The following CDR2 variants were observed in gnomAD, a reference collection of about 807,000 sequenced individuals.
CDR2 encodes the protein cerebellar degeneration related protein 2, also known as cerebellar degeneration-related protein 2.
Under a neutral mutation model 48.4 loss-of-function variants are expected in CDR2, and 34 were observed. That is an observed-to-expected ratio of 0.70 (90% CI 0.53 to 0.94). The LOEUF is 0.94. Among genes scored for constraint, CDR2 ranks in the 40% least tolerant of loss-of-function variants. CDR2 has a pLI of 0.00. For synonymous variants in CDR2, 240 were observed against 219.7 expected (o/e 1.09, Z -0.82); for missense variants, 498 against 549.5 (o/e 0.91, Z 0.94).
intron 2 of CDR2, among the ~76,000 whole-genome samples, chr16:22,353,907 T>C (rs181997643): frequency 2.0e-5 from 3 of 152,296 alleles, no homozygotes; most frequent in Admixed American, 1.3e-4. Context: ...CTCATGAAGG[T>C]TGAGGAAAAA....
chr16:22,373,547 T>C (rs2049093148), intron 1 of CDR2, among the ~76,000 whole-genome samples: 1 of 152,218 alleles, frequency 6.6e-6, no homozygotes, highest in African/African-American at 2.4e-5. Flanking sequence ...ATCTCCGCTT[T>C]CCTCATATGG....
intron 2 of CDR2, among the ~76,000 whole-genome samples, chr16:22,361,752 G>A (rs955440398): frequency 1.3e-5 from 2 of 152,106 alleles, no homozygotes. Context: ...AAACAGCTTT[G>A]GATAAAGAGT....
chr16:22,346,706 T>C lies in CDR2; in HGVS notation c.*259A>G. 1 of 478,844 alleles carries C rather than the reference T, an allele frequency of 2.1e-6. No homozygotes were observed. The highest frequency in any genetic ancestry group is 3.8e-6 in the Non-Finnish European group (1 of 266,086). The allele number at this position is 478,844 out of a possible 1,614,324, so 29.7% of individuals were successfully genotyped here. ...TAGCTCTTCCCTCCACTGGTCCTTT[T>C]CAGGAACTGAAGTCTAATCAGCGCG... On this transcript the variant is annotated 3_prime_UTR_variant, in exon 5 of 5. Transcript: ENST00000268383.
intron 2 of CDR2, among the ~76,000 whole-genome samples, chr16:22,357,093 T>C (rs2048979773): frequency 6.6e-6 from 1 of 152,186 alleles, no homozygotes; most frequent in Admixed American, 6.5e-5. Flanking sequence ...TCTCACTCTG[T>C]TGCCCAGGCT....
Position 22,354,195 on chromosome 16 carries a change from T to A in CDR2, c.193-4346A>T, listed in dbSNP as rs527482794. Among the ~76,000 whole-genome samples the A allele has an allele frequency of 1.8e-4, 27 of 152,282 alleles. 1 individual carries two copies. Among genetic ancestry groups the A allele is most frequent in the African/African-American group, 6.3e-4 (26 of 41,556 alleles). ...TTTTAGCAACAAACCCAGGTGATATTAGTACAGGCAGTCCAGAGATCACAC... is the reference window on the plus strand; with the variant it reads ...TTTTAGCAACAAACCCAGGTGATATAAGTACAGGCAGTCCAGAGATCACAC... On this transcript the variant is annotated intron_variant, in intron 2 of 4. Coordinates refer to ENST00000268383, the MANE Select transcript of CDR2 (RefSeq NM_001802.2).
At chr16:22,362,005 C>CA (rs2049013743) in intron 2 of CDR2, among the ~76,000 whole-genome samples, 1 of 150,198 alleles carries the variant, frequency 6.7e-6, no homozygotes, top group South Asian at 2.1e-4. Flanking sequence ...GGGTTCACGC[C>CA]AATCTCCTGC....
At chr16:22,357,879 T>G (rs2048985652) in intron 2 of CDR2, among the ~76,000 whole-genome samples, 1 of 152,224 alleles carries the variant, frequency 6.6e-6, no homozygotes, top group Non-Finnish European at 1.5e-5. Flanking sequence ...TTTAAGAACT[T>G]GTGATATTTT....
intron 1 of CDR2, among the ~76,000 whole-genome samples, chr16:22,368,664 G>C (rs2049057686): frequency 6.6e-6 from 1 of 152,164 alleles, no homozygotes; most frequent in African/African-American, 2.4e-5. Context: ...AGGTCAACAG[G>C]TTCTCACTCT....
chr16:22,369,294 AAAAAAAAG>A (rs942759383), intron 1 of CDR2, among the ~76,000 whole-genome samples: 3 of 145,740 alleles, frequency 2.1e-5, no homozygotes, highest in African/African-American at 8.4e-5. Flanking sequence ...CAGGAAAAAA[AAAAAAAAG>A]AAAAAAAACA....
intron 2 of CDR2, among the ~76,000 whole-genome samples, chr16:22,351,142 T>C (rs1162889242): frequency 6.6e-6 from 1 of 152,226 alleles, no homozygotes; most frequent in African/African-American, 2.4e-5. Flanking sequence ...GATAGTTTGC[T>C]GAGAATGATG....
chr16:22,370,604 C>G (rs1567350903), intron 1 of CDR2, among the ~76,000 whole-genome samples: 1 of 152,196 alleles, frequency 6.6e-6, no homozygotes, highest in Non-Finnish European at 1.5e-5. Context: ...CAGAAAAGAT[C>G]TTACCCACAG....
At chr16:22,357,896 A>G (rs2048985774) in intron 2 of CDR2, among the ~76,000 whole-genome samples, 1 of 152,248 alleles carries the variant, frequency 6.6e-6, no homozygotes, top group South Asian at 2.1e-4. Flanking sequence ...TTTTGGTTTT[A>G]GATGACTTGG....
In CDR2 at chr16:22,346,338, A is replaced by G. The variant is rs1433412840; in HGVS notation, c.*627T>C. ...TATGCTAACAAGCTAACTTATATCA[A>G]ACAAAAATTTGCCATCTCAATTTGG... is the stretch of plus-strand genomic sequence containing the variant. On this transcript the variant is annotated 3_prime_UTR_variant, in exon 5 of 5. Coordinates refer to ENST00000268383, the MANE Select transcript of CDR2 (RefSeq NM_001802.2). 1 of 153,262 alleles carries G rather than the reference A, an allele frequency of 6.5e-6. No individual in the cohort carries two copies. The highest frequency in any genetic ancestry group is 1.9e-4 in the East Asian group (1 of 5,210). 9.5% of individuals were successfully genotyped at this position (153,262 alleles called of 1,614,324 possible).
intron 2 of CDR2, 104 bp from the exon 3 acceptor site, chr16:22,349,953 C>T (rs970764206): frequency 9.7e-7 from 1 of 1,027,614 alleles, no homozygotes; most frequent in Non-Finnish European, 1.5e-6. Context: ...CTTTGGGAGG[C>T]CAAGACGTGT....
intron 2 of CDR2, among the ~76,000 whole-genome samples, chr16:22,364,692 A>G (rs928363893): frequency 1.3e-5 from 2 of 152,168 alleles, no homozygotes; most frequent in Non-Finnish European, 2.9e-5. Context: ...GTGAAACCCC[A>G]TCTCTACCAA....
chr16:22,353,467 ATG>A (rs1375942301), intron 2 of CDR2, among the ~76,000 whole-genome samples: 1 of 152,184 alleles, frequency 6.6e-6, no homozygotes, highest in Non-Finnish European at 1.5e-5. Flanking sequence ...AAAGATAAAT[ATG>A]TGTGTGGGAG....
chr16:22,362,711 G>A (rs764739618), intron 2 of CDR2, among the ~76,000 whole-genome samples: 3 of 152,160 alleles, frequency 2.0e-5, no homozygotes, highest in Non-Finnish European at 2.9e-5. Flanking sequence ...AAACAAAGTA[G>A]GAAAGAGTTC....
chr16:22,357,430 G>A (rs900418452), intron 2 of CDR2, among the ~76,000 whole-genome samples: 1 of 152,164 alleles, frequency 6.6e-6, no homozygotes, highest in Non-Finnish European at 1.5e-5. Flanking sequence ...AAAAATACTG[G>A]CGAACTGGCA....
At position 22,347,403 on chromosome 16, in the gene CDR2, G is replaced by T. The variant is rs1395997272; in HGVS notation, c.927C>A (p.Ser309Arg). The T allele has an allele frequency of 6.2e-7, 1 of 1,614,182 alleles. No individual in the cohort carries two copies. The highest frequency in any genetic ancestry group is 1.7e-5 in the Admixed American group (1 of 60,026). The part of the protein sequence containing the change: ...PESHRKPLKR[S>R]SSETILSSLA... ...AGCTGCTGAGGATCGTCTCACTGCT[G>T]CTGCGCTTGAGAGGCTTTCTATGTG... is the stretch of plus-strand genomic sequence containing the variant. Residue 309 changes from serine to arginine, a missense_variant, in exon 5 of 5, where the codon AGC becomes AGA. Ser to Arg is a moderately radical substitution (Grantham distance 110). Transcript: ENST00000268383.
Sources: gnomAD v4.1 joint callset for allele counts (sites outside exome capture counted in the v4.1 genomes callset) on GRCh38, gnomAD v4.1.1 for gene constraint, MANE v1.5 for transcripts, NCBI Gene and HGNC (gene_info 2026-07-23, HGNC 2026-07-21) for gene names.